Variants in GLS observed in about 807,000 individuals in gnomAD.
GLS encodes the protein glutaminase kidney isoform, mitochondrial.
A neutral mutation model predicts 86.7 loss-of-function variants in GLS; 36 were observed. The observed-to-expected ratio is 0.42, with a 90% CI of 0.32 to 0.55. The LOEUF (loss-of-function observed/expected upper bound fraction) is 0.55. Ranked by LOEUF, GLS falls within the 20% of genes least tolerant of loss-of-function variation. The probability of loss-of-function intolerance (pLI) is 0.17; values close to 1 mark genes in which losing one functional copy is unlikely to be tolerated. For missense variants in GLS, 528 were observed against 833.4 expected (o/e 0.63, Z 4.51); for synonymous variants, 317 against 305.9 (o/e 1.04, Z -0.38).
chr2:190,909,294 A>T (rs556033538), intron 6 of GLS, among the ~76,000 whole-genome samples: 1 of 152,204 alleles, frequency 6.6e-6, no homozygotes, highest in East Asian at 1.9e-4. Flanking sequence ...AAAGTAACAT[A>T]CATTACTTCA....
chr2:190,942,966 T>C (rs941987863), intron 14 of GLS, among the ~76,000 whole-genome samples: 1 of 152,136 alleles, frequency 6.6e-6, no homozygotes, highest in African/African-American at 2.4e-5. Flanking sequence ...GCCTCACCTG[T>C]ATGGCCAAAG....
intron 7 of GLS, among the ~76,000 whole-genome samples, chr2:190,910,838 T>G (rs938415930): frequency 6.6e-6 from 1 of 151,420 alleles, no homozygotes; most frequent in African/African-American, 2.4e-5. Flanking sequence ...TTGTTTCATT[T>G]GGTTTTACTT....
chr2:190,940,514 G>A (rs1040969105), intron 14 of GLS, among the ~76,000 whole-genome samples: 1 of 151,948 alleles, frequency 6.6e-6, no homozygotes, highest in African/African-American at 2.4e-5. Context: ...CCCTTATTCT[G>A]GCAAATTAGC....
rs1410401099 is a variant in GLS, at chr2:190,905,293, TGA to T, written c.979+132_979+133del. The T allele has an allele frequency of 4.8e-6, 3 of 619,734 alleles. No homozygotes were observed. The highest frequency in any genetic ancestry group is 8.3e-6 in the Non-Finnish European group (3 of 362,458). 38.4% of individuals were successfully genotyped at this position (619,734 alleles called of 1,614,324 possible). A position where few individuals can be genotyped will look rare whatever the true frequency, so the allele number is the denominator to read the frequency against. On this transcript the variant is annotated intron_variant, in intron 6 of 17. Coordinates refer to ENST00000320717, the MANE Select transcript of GLS (RefSeq NM_014905.5). This position sits in a 1 kb window ranked among gnomAD's most constrained non-coding sequence, Gnocchi z 4.6. ...GTCATGTGATTTCTATATAATCCAT[TGA>T]GAGAGTTTCATCACCTACTTTTAAA... is the stretch of plus-strand genomic sequence containing the variant.
In GLS at chr2:190,930,147, G is replaced by C. The variant is rs1030927400; in HGVS notation, c.1426-290G>C. Among the ~76,000 whole-genome samples, 10 of 151,410 alleles carry C rather than the reference G, an allele frequency of 6.6e-5. No homozygotes were observed. Among genetic ancestry groups the C allele is most frequent in the African/African-American group, 1.7e-4 (7 of 41,154 alleles). ...AGTGGTGCGATCATGGCTCACTGTAGCCTTGACCTCCTGAGGTCATGTAAT... is the reference window on the plus strand; with the variant it reads ...AGTGGTGCGATCATGGCTCACTGTACCCTTGACCTCCTGAGGTCATGTAAT... On this transcript the variant is annotated intron_variant, in intron 12 of 17. Coordinates refer to ENST00000320717, the MANE Select transcript of GLS (RefSeq NM_014905.5). The surrounding 1 kb of genome is among the most constrained non-coding windows in gnomAD (Gnocchi z 5.0).
intron 14 of GLS, chr2:190,932,563 G>A (rs113173550): frequency 0.013 from 5,460 of 423,542 alleles, 275 homozygotes; most frequent in African/African-American, 0.1. Flanking sequence ...ACTTCCATGG[G>A]AGTCGACCTG....
intron 14 of GLS, among the ~76,000 whole-genome samples, chr2:190,948,917 G>C (rs1047561772): frequency 7.2e-5 from 11 of 152,166 alleles, no homozygotes; most frequent in African/African-American, 2.2e-4. Flanking sequence ...GTATCTAATT[G>C]ACTCTGTCCC....
chr2:190,888,211 C>G (rs1047159931), intron 1 of GLS, among the ~76,000 whole-genome samples: 1 of 152,154 alleles, frequency 6.6e-6, no homozygotes, highest in African/African-American at 2.4e-5. Context: ...TGTATAAGAA[C>G]AGTAAGCACC....
At chr2:190,884,984 A>G (rs1688324388) in intron 1 of GLS, among the ~76,000 whole-genome samples, 2 of 152,372 alleles carry the variant, frequency 1.3e-5, no homozygotes, top group African/African-American at 4.8e-5. Flanking sequence ...TTGCATATCT[A>G]CATGAAGTCG....
At position 190,963,468 on chromosome 2, in the gene GLS, GTC is replaced by G. The variant is rs201970238; in HGVS notation, c.*489_*490del. ...GCACTTACGGTTGTGTGTTTAAAATGTCTCTCTCACCCCCTAGCTTCATGATG... is the reference window on the plus strand; with the variant it reads ...GCACTTACGGTTGTGTGTTTAAAATGTCTCTCACCCCCTAGCTTCATGATG... On this transcript the variant is annotated 3_prime_UTR_variant, in exon 18 of 18. Transcript: ENST00000320717. The G allele has an allele frequency of 7.2e-5, 11 of 153,184 alleles. No individual in the cohort carries two copies. The highest frequency in any genetic ancestry group is 3.9e-4 in the Admixed American group (6 of 15,358). 9.5% of individuals were successfully genotyped at this position (153,184 alleles called of 1,614,324 possible). A position where few individuals can be genotyped will look rare whatever the true frequency, so the allele number is the denominator to read the frequency against.
Position 190,955,142 on chromosome 2 carries a change from A to T in GLS, c.1853+324A>T, listed in dbSNP as rs114646332. On this transcript the variant is annotated intron_variant, in intron 17 of 17. Transcript: ENST00000320717. This position sits in a 1 kb window ranked among gnomAD's most constrained non-coding sequence, Gnocchi z 5.6. ...CATGGATTTTAAAAAAAAAATTTTT[A>T]AATTACACTTTAAGTTCTGGGATAC... Among the ~76,000 whole-genome samples, 63 of 152,234 alleles carry T rather than the reference A, an allele frequency of 4.1e-4. No homozygotes were observed. Among genetic ancestry groups the T allele is most frequent in the Non-Finnish European group, 7.1e-4 (48 of 67,972 alleles).
intron 9 of GLS, among the ~76,000 whole-genome samples, chr2:190,923,348 C>A (rs1689806880): frequency 6.6e-6 from 1 of 152,270 alleles, no homozygotes; most frequent in Non-Finnish European, 1.5e-5. Flanking sequence ...ATGTGCCATT[C>A]CCCAGTTACA....
chr2:190,930,405 A>AC lies in GLS; in HGVS notation c.1426-30dup. ...TAACATTTCTTATTTTAAAATGTTT[A>AC]CCTGAATACTCTTTTACTGAATTAT... On this transcript the variant is annotated intron_variant, in intron 12 of 17. Coordinates refer to ENST00000320717, the MANE Select transcript of GLS (RefSeq NM_014905.5). The surrounding 1 kb of genome is among the most constrained non-coding windows in gnomAD (Gnocchi z 5.0). The AC allele has an allele frequency of 6.6e-7, 1 of 1,518,858 alleles. No homozygotes were observed. The highest frequency in any genetic ancestry group is 9.1e-7 in the Non-Finnish European group (1 of 1,094,332). The allele number at this position is 1,518,858 out of a possible 1,614,324, so 94.1% of individuals were successfully genotyped here.
intron 6 of GLS, among the ~76,000 whole-genome samples, chr2:190,908,155 T>A (rs193145906): frequency 5.9e-5 from 9 of 152,338 alleles, no homozygotes; most frequent in Non-Finnish European, 8.8e-5. Flanking sequence ...AGAGAATATA[T>A]TGTAAATGTG....
chr2:190,941,538 TA>T (rs11306120), intron 14 of GLS, among the ~76,000 whole-genome samples: 17,493 of 134,578 alleles, frequency 0.13, 1,386 homozygotes, highest in Admixed American at 0.31. Flanking sequence ...GATAGAAAAG[TA>T]AAAAAATGCT....
chr2:190,961,228 T>A (rs181804358), intron 17 of GLS, among the ~76,000 whole-genome samples: 7 of 152,344 alleles, frequency 4.6e-5, no homozygotes, highest in Admixed American at 4.6e-4. Flanking sequence ...AGATAGAGTC[T>A]TGCTCTGTTG....
At chr2:190,933,357 T>C (rs973365226) in intron 14 of GLS, 20 of 878,800 alleles carry the variant, frequency 2.3e-5, no homozygotes, top group African/African-American at 3.6e-5. Context: ...AATTATTTTA[T>C]TTAAAATAGC....
At chr2:190,911,292 A>T (rs996996738) in intron 7 of GLS, among the ~76,000 whole-genome samples, 1 of 152,072 alleles carries the variant, frequency 6.6e-6, no homozygotes, top group Admixed American at 6.6e-5. Flanking sequence ...TCTAACTTGT[A>T]TACTAGAAAG....
At chr2:190,902,713 G>A (rs538360629) in intron 5 of GLS, among the ~76,000 whole-genome samples, 1 of 152,134 alleles carries the variant, frequency 6.6e-6, no homozygotes, top group Non-Finnish European at 1.5e-5. Flanking sequence ...TCATTGTGCT[G>A]GGAATTAGAC....
Sources: gnomAD v4.1 joint callset for allele counts (sites outside exome capture counted in the v4.1 genomes callset) on GRCh38, gnomAD v4.1.1 for gene constraint, Gnocchi (gnomAD v3.1) non-coding constraint, MANE v1.5 for transcripts, NCBI Gene and HGNC (gene_info 2026-07-23, HGNC 2026-07-21) for gene names.